ACACB: variants seen among roughly 807,000 people sequenced by gnomAD.
ACACB encodes the protein acetyl-CoA carboxylase beta, also known as acetyl-CoA carboxylase 2.
A neutral mutation model predicts 278.8 loss-of-function variants in ACACB; 209 were observed. That is an observed-to-expected ratio of 0.75 (90% CI 0.67 to 0.84). ACACB has a LOEUF of 0.84. Ranked by LOEUF, ACACB falls within the 40% of genes least tolerant of loss-of-function variation. The probability of loss-of-function intolerance (pLI) is 0.00; values close to 1 mark genes in which losing one functional copy is unlikely to be tolerated. For synonymous variants in ACACB, 1,174 were observed against 1,285.6 expected, an observed-to-expected ratio of 0.91 and a Z score of 1.86; for missense variants, 2,850 against 3,269.0, an observed-to-expected ratio of 0.87 and a Z score of 3.13.
chr12:109,166,679 C>CAAAAAAAAAAAAAAAA (rs1225818948), intron 2 of ACACB, among the ~76,000 whole-genome samples, 182 bp from the exon 3 acceptor site: 2 of 20,844 alleles, frequency 9.6e-5, no homozygotes, highest in Non-Finnish European at 3.1e-4. Context: ...AAAAAAAAAC[C>CAAAAAAAAAAAAAAAA]GAAGGTGCTT....
At chr12:109,177,747 G>A (rs1391929253) in intron 9 of ACACB, among the ~76,000 whole-genome samples, 4 of 152,174 alleles carry the variant, frequency 2.6e-5, no homozygotes, top group Non-Finnish European at 4.4e-5. Flanking sequence ...AATTTCATCT[G>A]TTTTTGCACC....
intron 19 of ACACB, 47 bp downstream of exon 19, chr12:109,201,748 C>T (rs766077684): frequency 5.6e-6 from 9 of 1,599,932 alleles, no homozygotes; most frequent in East Asian, 4.5e-5. Flanking sequence ...CAGGTGCACT[C>T]GTGACCTCCA....
At chr12:109,210,466 CACAT>C (rs1488163999) in intron 21 of ACACB, among the ~76,000 whole-genome samples, 3 of 143,840 alleles carry the variant, frequency 2.1e-5, no homozygotes, top group African/African-American at 7.7e-5. Flanking sequence ...TATATATACG[CACAT>C]ACATGTGTAT....
chr12:109,191,739 C>T lies in ACACB; in HGVS notation c.2271C>T (p.Asp757=). The change falls in exon 14 of 53, where the codon GAC becomes GAT. Residue 757 remains aspartate (D), a synonymous_variant. Coordinates refer to ENST00000338432, the MANE Select transcript of ACACB (RefSeq NM_001093.4). ...ACGACATCGACACCGGGTGGTTGGA[C>T]TACCTCATTGCTGAGAAAGTGCAGG... is the stretch of plus-strand genomic sequence containing the variant. The part of the protein sequence containing the change: ...QNNDIDTGWL[D]YLIAEKVQAE... 6.2e-7 allele frequency: 1 copy of T among 1,614,206 alleles called. No individual in the cohort carries two copies. The highest frequency in any genetic ancestry group is 8.5e-7 in the Non-Finnish European group (1 of 1,180,042).
chr12:109,258,216 A>C, intron 45 of ACACB, 52 bp from the exon 46 acceptor site: 2 of 1,453,958 alleles, frequency 1.4e-6, no homozygotes, highest in East Asian at 2.3e-5. Context: ...GAGGTCCCCA[A>C]ATGCACCTGG....
rs755846803 is a variant in ACACB, at chr12:109,199,407, G to A, written c.2633G>A (p.Arg878Gln). The change falls in exon 18 of 53, where the codon CGA (arginine) becomes CAA (glutamine). Residue 878 changes from arginine (R) to glutamine (Q), a missense_variant. This residue lies in a region of ACACB where 2,265 missense variants were observed against 2,561.3 expected (regional missense o/e 0.88). Coordinates refer to ENST00000338432, the MANE Select transcript of ACACB (RefSeq NM_001093.4). ...CGACTCCTCCTCTCTCCCAGTTACC[G>A]AATTACCATCGGCAATAAGACGTGT... ...TYMKEEVDSY[R>Q]ITIGNKTCVF... 3.3e-6 allele frequency: 5 copies of A among 1,494,406 alleles called. No homozygotes were observed. The highest frequency in any genetic ancestry group is 2.6e-5 in the East Asian group (1 of 38,812). 92.6% of individuals were successfully genotyped at this position (1,494,406 alleles called of 1,614,324 possible).
chr12:109,223,945 G>T lies in ACACB; in HGVS notation c.3882+41G>T, dbSNP rs772781428. The T allele has an allele frequency of 2.6e-6, 4 of 1,543,112 alleles. No individual in the cohort carries two copies. The South Asian group carries it at 4.5e-5, about 17-fold the overall frequency. ...CCAGAGAACAGCACTGACCATGCCA[G>T]TTCTAGTGTTCACTGCCGCTACCAT... On this transcript the variant is annotated intron_variant, in intron 27 of 52. Transcript: ENST00000338432.
At chr12:109,159,734 C>T (rs2043660390) in intron 2 of ACACB, among the ~76,000 whole-genome samples, 1 of 151,886 alleles carries the variant, frequency 6.6e-6, no homozygotes, top group East Asian at 1.9e-4. Flanking sequence ...GCGCATCCCC[C>T]AAGTTGTGAC....
intron 2 of ACACB, among the ~76,000 whole-genome samples, chr12:109,145,315 A>AT (rs1232807790): frequency 6.6e-6 from 1 of 152,114 alleles, no homozygotes; most frequent in East Asian, 1.9e-4. Context: ...TTTTGTTTTA[A>AT]TTTTTTAGAT....
chr12:109,146,838 C>T (rs2043254673), intron 2 of ACACB, among the ~76,000 whole-genome samples: 1 of 151,970 alleles, frequency 6.6e-6, no homozygotes, highest in African/African-American at 2.4e-5. Context: ...CCACAGCTGG[C>T]TAATTTTTTT....
intron 2 of ACACB, among the ~76,000 whole-genome samples, chr12:109,151,743 A>G (rs2043380842): frequency 6.6e-6 from 1 of 152,182 alleles, no homozygotes; most frequent in Non-Finnish European, 1.5e-5. Flanking sequence ...TTGAGCTTCT[A>G]GTAAGTCTGA....
intron 38 of ACACB, 52 bp downstream of exon 38, chr12:109,245,800 A>AT (rs2046925749): frequency 1.3e-6 from 2 of 1,597,882 alleles, no homozygotes; most frequent in African/African-American, 1.3e-5. Context: ...CCTTAAAAAT[A>AT]TTTTTGGGCC....
At chr12:109,140,768 C>T (rs1469511511) in intron 2 of ACACB, among the ~76,000 whole-genome samples, 1 of 152,024 alleles carries the variant, frequency 6.6e-6, no homozygotes, top group Non-Finnish European at 1.5e-5. Context: ...GGAAGATGAC[C>T]TTGTGTTTAG....
At chr12:109,260,355 A>G (rs1242415630) in intron 47 of ACACB, 125 bp from the exon 48 acceptor site, 27 of 1,279,820 alleles carry the variant, frequency 2.1e-5, no homozygotes, top group Non-Finnish European at 3.0e-5. Flanking sequence ...CTCAAATCCC[A>G]GCCCAGTGCT....
chr12:109,257,612 C>G (rs970561588), intron 45 of ACACB, among the ~76,000 whole-genome samples: 1 of 152,052 alleles, frequency 6.6e-6, no homozygotes, highest in African/African-American at 2.4e-5. Flanking sequence ...GCTCTGTCAC[C>G]CAGGCTGGAG....
chr12:109,189,169 G>A (rs543759878), intron 13 of ACACB, among the ~76,000 whole-genome samples: 1 of 152,310 alleles, frequency 6.6e-6, no homozygotes, highest in South Asian at 2.1e-4. Flanking sequence ...AAATGTTTTT[G>A]TGTGGGTAAC....
intron 37 of ACACB, among the ~76,000 whole-genome samples, chr12:109,245,165 CAA>C (rs2046906408): frequency 6.7e-6 from 1 of 148,208 alleles, no homozygotes; most frequent in Non-Finnish European, 1.5e-5. Flanking sequence ...GCCTGGGCAA[CAA>C]GAGAAAAAAA....
intron 27 of ACACB, among the ~76,000 whole-genome samples, chr12:109,224,573 C>T (rs962877945): frequency 6.6e-6 from 1 of 151,648 alleles, no homozygotes. Flanking sequence ...TCGCTTGTGC[C>T]TAGGGTGGAG....
chr12:109,230,709 C>T (rs1015492783), intron 28 of ACACB, among the ~76,000 whole-genome samples: 2 of 152,174 alleles, frequency 1.3e-5, no homozygotes, highest in Admixed American at 6.5e-5. Flanking sequence ...ATATTATAGG[C>T]GCGAGCCCCT....
Sources: allele counts gnomAD v4.1 joint callset (sites outside exome capture counted in the v4.1 genomes callset), GRCh38; gene constraint gnomAD v4.1.1; regional missense constraint gnomAD v4.1.1; transcripts MANE v1.5; gene names NCBI Gene and HGNC (gene_info 2026-07-23, HGNC 2026-07-21).